The following MROH2B variants were observed in gnomAD, a reference collection of about 807,000 sequenced individuals.
The protein encoded by MROH2B is maestro heat-like repeat-containing protein family member 2B.
MROH2B carries 177 observed loss-of-function variants against 208.6 expected under a neutral mutation model. The observed-to-expected ratio is 0.85, with a 90% CI of 0.75 to 0.96. The LOEUF (loss-of-function observed/expected upper bound fraction) is 0.96, where lower values mean the gene tolerates loss of function less well. Among genes scored for constraint, MROH2B ranks in the 40% least tolerant of loss-of-function variants. The probability of loss-of-function intolerance (pLI) is 0.00; values close to 1 mark genes in which losing one functional copy is unlikely to be tolerated. For missense variants in MROH2B, 2,002 were observed against 1,878.7 expected (o/e 1.07, Z -1.21); for synonymous variants, 728 against 659.0 (o/e 1.10, Z -1.60).
intron 24 of MROH2B, among the ~76,000 whole-genome samples, chr5:41,022,753 G>A (rs1052494168): frequency 6.6e-6 from 1 of 152,284 alleles, no homozygotes. Flanking sequence ...TCCTCAAGTG[G>A]GTCCCTGATG....
At chr5:41,049,239 T>C (rs1743212113) in intron 14 of MROH2B, 41 bp downstream of exon 14, 1 of 1,611,450 alleles carries the variant, frequency 6.2e-7, no homozygotes, top group Admixed American at 1.7e-5. Flanking sequence ...AATGGATCCC[T>C]CATAATAGAA....
intron 2 of MROH2B, among the ~76,000 whole-genome samples, chr5:41,068,321 A>G (rs1447450901): frequency 1.3e-5 from 2 of 152,068 alleles, no homozygotes; most frequent in Non-Finnish European, 2.9e-5. Context: ...TTCTTGCTCC[A>G]TGTGCTTACT....
chr5:41,016,022 T>C (rs1315388709), intron 28 of MROH2B, among the ~76,000 whole-genome samples: 1 of 152,020 alleles, frequency 6.6e-6, no homozygotes, highest in Non-Finnish European at 1.5e-5. Flanking sequence ...TTTGAATGTA[T>C]ATTAATCATG....
chr5:41,070,963 C>A lies in MROH2B; in HGVS notation c.-111G>T, dbSNP rs755274522. On this transcript the variant is annotated 5_prime_UTR_variant, in exon 1 of 42. Transcript: ENST00000399564. The stretch of plus-strand genomic sequence containing the variant: ...GTTTCTCATATAAGGTTCACATAAG[C>A]CTCTCTAAATGAAAGTGCCTCCTCC... 16 of 1,093,462 alleles carry A rather than the reference C, an allele frequency of 1.5e-5. No homozygotes were observed. In the Middle Eastern group the frequency reaches 1.2e-3, roughly 85 times the overall value. 67.7% of individuals were successfully genotyped at this position (1,093,462 alleles called of 1,614,324 possible). A position where few individuals can be genotyped will look rare whatever the true frequency, so the allele number is the denominator to read the frequency against.
In MROH2B at chr5:41,070,955, C is replaced by G; in HGVS notation, c.-103G>C. 8.7e-7 allele frequency: 1 copy of G among 1,145,886 alleles called. No individual in the cohort carries two copies. Among genetic ancestry groups the G allele is most frequent in the Non-Finnish European group, 1.3e-6 (1 of 783,888 alleles). 71.0% of individuals were successfully genotyped at this position (1,145,886 alleles called of 1,614,324 possible). ...GTTGGCAAGTTTCTCATATAAGGTTCACATAAGCCTCTCTAAATGAAAGTG... is the reference window on the plus strand; with the variant it reads ...GTTGGCAAGTTTCTCATATAAGGTTGACATAAGCCTCTCTAAATGAAAGTG... On this transcript the variant is annotated 5_prime_UTR_variant, in exon 1 of 42. The change abolishes the stop of an existing upstream ORF in the 5' untranslated region. Coordinates refer to ENST00000399564, the MANE Select transcript of MROH2B (RefSeq NM_173489.5).
intron 39 of MROH2B, 65 bp downstream of exon 39, chr5:41,000,155 C>A: frequency 6.3e-7 from 1 of 1,583,540 alleles, no homozygotes; most frequent in Non-Finnish European, 8.6e-7. Flanking sequence ...CATTGTTTGC[C>A]CTTCTGCGAT....
chr5:41,047,844 T>A, intron 16 of MROH2B, 80 bp from the exon 17 acceptor site: 1 of 1,188,498 alleles, frequency 8.4e-7, no homozygotes, highest in Non-Finnish European at 1.2e-6. Flanking sequence ...AGGCCTCCAG[T>A]GATACTGGAG....
chr5:41,027,294 C>T (rs1022359032), intron 24 of MROH2B, among the ~76,000 whole-genome samples: 4 of 152,164 alleles, frequency 2.6e-5, no homozygotes, highest in Non-Finnish European at 4.4e-5. Context: ...ACTCATCTGA[C>T]AAAGGGCTAA....
Position 41,045,827 on chromosome 5 carries a change from G to T in MROH2B, c.1755C>A (p.Ile585=), listed in dbSNP as rs1743102132. The stretch of plus-strand genomic sequence containing the variant: ...GCTGAATGGTCCAGGCCACATCACT[G>T]ATCTTCCATAAGGATTCTTTGAGCA... ...LQLLKESLWK[I]SDVAWTIQLT... Residue 585 remains isoleucine (I), a synonymous_variant, in exon 18 of 42, where the codon ATC becomes ATA. Transcript: ENST00000399564. The T allele has an allele frequency of 6.2e-7, 1 of 1,612,980 alleles. No homozygotes were observed. Among genetic ancestry groups the T allele is most frequent in the Non-Finnish European group, 8.5e-7 (1 of 1,179,222 alleles).
intron 18 of MROH2B, 43 bp downstream of exon 18, chr5:41,045,703 T>C (rs1233907916): frequency 6.8e-7 from 1 of 1,462,100 alleles, no homozygotes; most frequent in African/African-American, 1.4e-5. Flanking sequence ...CCATTTTGGA[T>C]CATAGGTAAA....
At chr5:41,022,661 C>A (rs1365671199) in intron 24 of MROH2B, among the ~76,000 whole-genome samples, 1 of 152,218 alleles carries the variant, frequency 6.6e-6, no homozygotes, top group Non-Finnish European at 1.5e-5. Flanking sequence ...GAAACCTCTG[C>A]AGACTTAAAT....
At chr5:41,031,263 C>T (rs1742558870) in intron 24 of MROH2B, among the ~76,000 whole-genome samples, 1 of 152,050 alleles carries the variant, frequency 6.6e-6, no homozygotes, top group Non-Finnish European at 1.5e-5. Context: ...GGAGAGTAAG[C>T]ATGTGAAGGA....
rs554360478 is a variant in MROH2B, at chr5:41,010,660, G to A, written c.3136-581C>T. Among the ~76,000 whole-genome samples, 143 of 152,296 alleles carry A rather than the reference G, an allele frequency of 9.4e-4. 1 individual carries two copies. Among genetic ancestry groups the A allele is most frequent in the Non-Finnish European group, 1.6e-3 (108 of 68,028 alleles). ...TGGAGCACAGAGGATTTTTAGGGCA[G>A]TGCAACCACTCTGTATGATCTTATA... On this transcript the variant is annotated intron_variant, in intron 30 of 41. Coordinates refer to ENST00000399564, the MANE Select transcript of MROH2B (RefSeq NM_173489.5).
intron 5 of MROH2B, among the ~76,000 whole-genome samples, chr5:41,064,113 G>T (rs13155376): frequency 0.18 from 26,661 of 152,192 alleles, 2,959 homozygotes; most frequent in South Asian, 0.33. Flanking sequence ...AGTCGAAATG[G>T]AAGTTGTACA....
Position 41,000,720 on chromosome 5 carries a change from T to C in MROH2B, c.4308A>G (p.Ser1436=), listed in dbSNP as rs770220976. ...FAEEIKKSLI[S]FLLHLWDPNP... is the part of the protein sequence containing the mutation. The stretch of plus-strand genomic sequence containing the variant: ...TGGGATCCCAAAGGTGCAGAAGGAA[T>C]GAAATCAGGCTCTTTTTTATTTCTT... The change falls in exon 38 of 42, where the codon TCA becomes TCG. Residue 1436 remains serine (S), a synonymous_variant. Coordinates refer to ENST00000399564, the MANE Select transcript of MROH2B (RefSeq NM_173489.5). 231 of 1,612,542 alleles carry C rather than the reference T, an allele frequency of 1.4e-4. No individual in the cohort carries two copies. Among genetic ancestry groups the C allele is most frequent in the Non-Finnish European group, 1.9e-4 (225 of 1,179,420 alleles).
chr5:41,023,066 A>C (rs1742214236), intron 24 of MROH2B, among the ~76,000 whole-genome samples: 1 of 152,184 alleles, frequency 6.6e-6, no homozygotes, highest in Non-Finnish European at 1.5e-5. Flanking sequence ...CAAAGACCAA[A>C]GGCAGATAAA....
Position 41,005,665 on chromosome 5 carries a change from G to C in MROH2B, c.3750-20C>G. ...ATGCTCCTAGAAAATGCACATTTTA[G>C]CAGAGACATATTTTACTAAACAATG... On this transcript the variant is annotated intron_variant, in intron 34 of 41. Coordinates refer to ENST00000399564, the MANE Select transcript of MROH2B (RefSeq NM_173489.5). 1 of 1,565,576 alleles carries C rather than the reference G, an allele frequency of 6.4e-7. No individual in the cohort carries two copies. The highest frequency in any genetic ancestry group is 8.7e-7 in the Non-Finnish European group (1 of 1,143,280).
chr5:41,014,913 A>T (rs1192749502), intron 29 of MROH2B, among the ~76,000 whole-genome samples: 1 of 152,104 alleles, frequency 6.6e-6, no homozygotes, highest in East Asian at 1.9e-4. Context: ...CAGGAATTGT[A>T]TTTTCTGCTT....
At chr5:41,046,449 T>C (rs1194804050) in intron 17 of MROH2B, among the ~76,000 whole-genome samples, 1 of 152,088 alleles carries the variant, frequency 6.6e-6, no homozygotes, top group African/African-American at 2.4e-5. Context: ...GTGTTTTTTT[T>C]TTCTTTTGGA....
Sources: gnomAD v4.1 joint callset for allele counts (sites outside exome capture counted in the v4.1 genomes callset) on GRCh38, gnomAD v4.1.1 for gene constraint, MANE v1.5 for transcripts, NCBI Gene and HGNC (gene_info 2026-07-23, HGNC 2026-07-21) for gene names.